Variants in NELFCD observed in about 807,000 individuals in gnomAD.
NELFCD encodes negative elongation factor complex member C/D, also known as negative elongation factor C/D.
NELFCD carries 48 observed loss-of-function variants against 72.9 expected under a neutral mutation model. The ratio of observed to expected loss-of-function variants is 0.66; its 90% CI spans 0.52 to 0.84. The LOEUF (loss-of-function observed/expected upper bound fraction) is 0.84. Among genes scored for constraint, NELFCD ranks in the 40% least tolerant of loss-of-function variants. NELFCD has a pLI of 0.00. For missense variants in NELFCD, 538 were observed against 723.8 expected (o/e 0.74, Z 2.94); for synonymous variants, 297 against 280.6 (o/e 1.06, Z -0.59).
Position 58,993,440 on chromosome 20 carries a change from T to C in NELFCD, c.1345-9T>C. On this transcript the variant is annotated splice_polypyrimidine_tract_variant and intron_variant, in intron 11 of 14. Transcript: ENST00000652272. This position sits in a 1 kb window ranked among gnomAD's most constrained non-coding sequence, Gnocchi z 5.0. ...CTGCTCAGCGAAGCTCCCTCTGGCC[T>C]GTTTGTAGATCAGCACCTGCCACCA... 3 of 1,613,160 alleles carry C rather than the reference T, an allele frequency of 1.9e-6. No homozygotes were observed. Among genetic ancestry groups the C allele is most frequent in the Non-Finnish European group, 1.7e-6 (2 of 1,179,942 alleles).
At chr20:58,990,325 G>A in intron 7 of NELFCD, 1 of 246,062 alleles carries the variant, frequency 4.1e-6, no homozygotes, top group Non-Finnish European at 8.1e-6. Context: ...GCTTGAACCT[G>A]GGAGGTGGAG....
chr20:58,984,289 G>A (rs1274378382), intron 1 of NELFCD, among the ~76,000 whole-genome samples: 1 of 152,174 alleles, frequency 6.6e-6, no homozygotes, highest in Non-Finnish European at 1.5e-5. Context: ...TTTCCTGAAG[G>A]AGATGGGAAT....
At chr20:58,987,542 TATC>T (rs2091781334) in intron 3 of NELFCD, 163 bp from the exon 4 acceptor site, 2 of 614,432 alleles carry the variant, frequency 3.3e-6, no homozygotes, top group Admixed American at 2.9e-5. Flanking sequence ...TTTTTGGTCT[TATC>T]ATTGATAACT....
At chr20:58,992,615 G>A (rs886430281) in intron 10 of NELFCD, among the ~76,000 whole-genome samples, 5 of 152,144 alleles carry the variant, frequency 3.3e-5, no homozygotes, top group African/African-American at 9.7e-5. Flanking sequence ...CAGAGCTTAC[G>A]CCAGGCACAG....
intron 1 of NELFCD, among the ~76,000 whole-genome samples, chr20:58,984,116 G>A (rs1055148558): frequency 7.2e-5 from 11 of 152,196 alleles, no homozygotes; most frequent in African/African-American, 2.2e-4. Flanking sequence ...GTAGGAAGAT[G>A]TGTAAGGAGG....
chr20:58,987,066 T>A, intron 3 of NELFCD: 1 of 523,830 alleles, frequency 1.9e-6, no homozygotes, highest in Admixed American at 3.9e-5. Flanking sequence ...GATTCAGTAA[T>A]TGAGGTTTAC....
chr20:58,990,134 C>G, intron 7 of NELFCD, 146 bp downstream of exon 7: 1 of 1,072,214 alleles, frequency 9.3e-7, no homozygotes, highest in Non-Finnish European at 1.3e-6. Flanking sequence ...TGGTGGCTCA[C>G]GCCTGTAATC....
chr20:58,993,419 T>C lies in NELFCD; in HGVS notation c.1345-30T>C. ...TGTGTGCTGAGCGTGACCACACTGC[T>C]CAGCGAAGCTCCCTCTGGCCTGTTT... On this transcript the variant is annotated intron_variant, in intron 11 of 14. Transcript: ENST00000652272. The surrounding 1 kb of genome is among the most constrained non-coding windows in gnomAD (Gnocchi z 5.0). 1.2e-6 allele frequency: 2 copies of C among 1,606,082 alleles called. No individual in the cohort carries two copies. Among genetic ancestry groups the C allele is most frequent in the South Asian group, 1.1e-5 (1 of 90,730 alleles).
intron 1 of NELFCD, 30 bp downstream of exon 1, chr20:58,981,399 G>C: frequency 1.1e-5 from 11 of 1,005,814 alleles, no homozygotes; most frequent in Non-Finnish European, 1.3e-5. Flanking sequence ...GCACCCTAGA[G>C]AGAATCGTTC....
chr20:58,992,052 G>C, intron 10 of NELFCD, 32 bp downstream of exon 10: 1 of 1,563,874 alleles, frequency 6.4e-7, no homozygotes. Context: ...TCTTAAATCA[G>C]TCCTTTGGGG....
chr20:58,991,790 A>T, intron 9 of NELFCD, 91 bp from the exon 10 acceptor site: 1 of 1,452,554 alleles, frequency 6.9e-7, no homozygotes, highest in South Asian at 1.3e-5. Flanking sequence ...AAATAGGGAA[A>T]GTGCTTTGCA....
chr20:58,988,849 CAG>C (rs2091791652), intron 4 of NELFCD, 63 bp from the exon 5 acceptor site: 7 of 1,174,266 alleles, frequency 6.0e-6, no homozygotes, highest in Non-Finnish European at 7.7e-6. Flanking sequence ...GTTTATACAA[CAG>C]AATCTCCACT....
At chr20:58,987,091 C>T (rs1019790386) in intron 3 of NELFCD, 21 of 489,120 alleles carry the variant, frequency 4.3e-5, no homozygotes, top group Admixed American at 1.6e-4. Flanking sequence ...AGCCTGCAAA[C>T]GTGATTCTCA....
At chr20:58,981,404 T>G in intron 1 of NELFCD, 35 bp downstream of exon 1, 1 of 962,988 alleles carries the variant, frequency 1.0e-6, no homozygotes, top group Non-Finnish European at 1.3e-6. Flanking sequence ...CTAGAGAGAA[T>G]CGTTCGTCTC....
Position 58,994,945 on chromosome 20 carries a change from G to A in NELFCD, c.*269G>A, listed in dbSNP as rs1403801663. On this transcript the variant is annotated 3_prime_UTR_variant, in exon 15 of 15. Transcript: ENST00000652272. ...CTCAAGGCAGGCGCTGGGCTCCCAC[G>A]ACCCCTCAGGACAGATCTGGCCGTC... 6.9e-6 allele frequency: 3 copies of A among 437,198 alleles called. No homozygotes were observed. Among genetic ancestry groups the A allele is most frequent in the East Asian group, 4.0e-5 (1 of 24,732 alleles). The allele number at this position is 437,198 out of a possible 1,614,324, so 27.1% of individuals were successfully genotyped here. A position where few individuals can be genotyped will look rare whatever the true frequency, so the allele number is the denominator to read the frequency against.
Position 58,994,129 on chromosome 20 carries a change from C to T in NELFCD, c.1601C>T (p.Pro534Leu), listed in dbSNP as rs2091839387. 2 of 1,614,200 alleles carry T rather than the reference C, an allele frequency of 1.2e-6. No individual in the cohort carries two copies. The highest frequency in any genetic ancestry group is 1.7e-6 in the Non-Finnish European group (2 of 1,180,016). The change falls in exon 14 of 15, where the codon CCT becomes CTT. Residue 534 changes from proline to leucine, a missense_variant. Pro to Leu is a moderately conservative substitution (Grantham distance 98, BLOSUM62 -3). Around this residue, in one of 3 missense-constraint regions of NELFCD, gnomAD observed 136 missense variants for 154.0 expected, o/e 0.88. Coordinates refer to ENST00000652272, the MANE Select transcript of NELFCD (RefSeq NM_198976.4). ...ACGCAGGTGCTGGACGTCATTGCTC[C>T]TCCTTATACCTCTGACTTCGTGCAA... ...FVTEVLDVIA[P>L]PYTSDFVQLF...
chr20:58,991,413 G>A lies in NELFCD; in HGVS notation c.1056G>A (p.Ala352=), dbSNP rs369337569. The A allele has an allele frequency of 1.9e-5, 31 of 1,614,134 alleles. No individual in the cohort carries two copies. Among genetic ancestry groups the A allele is most frequent in the South Asian group, 4.4e-5 (4 of 91,090 alleles). ...AGCACAAATACATCCACATCTTGGC[G>A]TACGCAGCAAGCGTGGTTGAGACCT... The part of the protein sequence containing the change: ...DHKHKYIHIL[A]YAASVVETWK... Residue 352 remains alanine, a synonymous_variant, in exon 9 of 15, where the codon GCG becomes GCA. Coordinates refer to ENST00000652272, the MANE Select transcript of NELFCD (RefSeq NM_198976.4).
Position 58,986,486 on chromosome 20 carries a change from T to G in NELFCD, c.177-268T>G. On this transcript the variant is annotated intron_variant, in intron 2 of 14. Coordinates refer to ENST00000652272, the MANE Select transcript of NELFCD (RefSeq NM_198976.4). This position sits in a 1 kb window ranked among gnomAD's most constrained non-coding sequence, Gnocchi z 4.4. ...CCTTGCAAGGTGGCCACCACAGGCGTCTGCCATCATGCCTGGCTATTTTTG... is the reference window on the plus strand; with the variant it reads ...CCTTGCAAGGTGGCCACCACAGGCGGCTGCCATCATGCCTGGCTATTTTTG... 1.8e-6 allele frequency: 1 copy of G among 555,318 alleles called. No individual in the cohort carries two copies. The highest frequency in any genetic ancestry group is 3.2e-6 in the Non-Finnish European group (1 of 317,152). 34.4% of individuals were successfully genotyped at this position (555,318 alleles called of 1,614,324 possible).
intron 9 of NELFCD, 83 bp downstream of exon 9, chr20:58,991,529 G>A (rs1385558940): frequency 4.6e-6 from 7 of 1,525,526 alleles, no homozygotes; most frequent in Non-Finnish European, 5.4e-6. Context: ...AATTTTGGCT[G>A]CAAGAAATCT....
Sources: gnomAD v4.1 joint callset for allele counts (sites outside exome capture counted in the v4.1 genomes callset) on GRCh38, gnomAD v4.1.1 for gene constraint, gnomAD v4.1.1 regional missense constraint, Gnocchi (gnomAD v3.1) non-coding constraint, MANE v1.5 for transcripts, NCBI Gene and HGNC (gene_info 2026-07-23, HGNC 2026-07-21) for gene names.